Variants in PARL observed in about 807,000 individuals in gnomAD.
PARL encodes the protein presenilin associated rhomboid like.
Under a neutral mutation model 51.6 loss-of-function variants are expected in PARL, and 44 were observed. That is an observed-to-expected ratio of 0.85 (90% CI 0.67 to 1.10). PARL has a LOEUF of 1.10. Ranked by LOEUF, PARL falls within the 50% of genes least tolerant of loss-of-function variation. PARL has a pLI of 0.00. For missense variants in PARL, 441 were observed against 469.5 expected (o/e 0.94, Z 0.56); for synonymous variants, 172 against 164.0 (o/e 1.05, Z -0.37).
intron 2 of PARL, among the ~76,000 whole-genome samples, 185 bp from the exon 3 acceptor site, chr3:183,866,950 G>A (rs941347483): frequency 6.6e-6 from 1 of 150,466 alleles, no homozygotes; most frequent in Non-Finnish European, 1.5e-5. Context: ...TTTCACTCTT[G>A]TCTCCCAGGC....
chr3:183,880,459 T>G (rs1453931417), intron 1 of PARL, among the ~76,000 whole-genome samples: 1 of 152,160 alleles, frequency 6.6e-6, no homozygotes, highest in Non-Finnish European at 1.5e-5. Flanking sequence ...TGGAGTGTAA[T>G]GCCGTGATCT....
chr3:183,838,455 T>C (rs1728913666), intron 7 of PARL, among the ~76,000 whole-genome samples: 1 of 152,224 alleles, frequency 6.6e-6, no homozygotes, highest in Non-Finnish European at 1.5e-5. Context: ...ACCTGGTGAT[T>C]TAATTTCCTT....
chr3:183,864,212 G>A (rs969219266), intron 3 of PARL, among the ~76,000 whole-genome samples: 14 of 152,088 alleles, frequency 9.2e-5, no homozygotes, highest in Admixed American at 4.6e-4. Flanking sequence ...TGTGCCCATG[G>A]GAAAACAAGG....
At chr3:183,851,533 A>G (rs977385816) in intron 4 of PARL, among the ~76,000 whole-genome samples, 6 of 152,330 alleles carry the variant, frequency 3.9e-5, no homozygotes, top group East Asian at 1.9e-4. Flanking sequence ...TAAATATACA[A>G]TAAGACATGA....
intron 1 of PARL, among the ~76,000 whole-genome samples, chr3:183,876,378 G>A (rs993973295): frequency 2.6e-5 from 4 of 151,746 alleles, no homozygotes; most frequent in African/African-American, 9.7e-5. Flanking sequence ...CCAATGTTGC[G>A]ACCAAATGCT....
At chr3:183,833,433 G>T in intron 9 of PARL, 59 bp downstream of exon 9, 1 of 1,004,564 alleles carries the variant, frequency 1.0e-6, no homozygotes, top group South Asian at 1.3e-5. Flanking sequence ...GTGAGGCTGG[G>T]GTAGGAGGAG....
chr3:183,867,102 C>T (rs1047282676), intron 2 of PARL, among the ~76,000 whole-genome samples: 2 of 151,942 alleles, frequency 1.3e-5, no homozygotes, highest in Non-Finnish European at 2.9e-5. Flanking sequence ...TTAGTAGAGA[C>T]GGGGTTTCAT....
intron 1 of PARL, among the ~76,000 whole-genome samples, chr3:183,878,939 G>A (rs1734139208): frequency 6.6e-6 from 1 of 152,124 alleles, no homozygotes; most frequent in Non-Finnish European, 1.5e-5. Context: ...TACAAACTAA[G>A]TTTGCCAAAC....
intron 1 of PARL, among the ~76,000 whole-genome samples, chr3:183,878,228 C>T (rs750458077): frequency 1.3e-5 from 2 of 152,144 alleles, no homozygotes; most frequent in Non-Finnish European, 2.9e-5. Context: ...CTAGCGGGGG[C>T]TTCTACCATG....
At chr3:183,883,512 C>T in intron 1 of PARL, 1 of 710,380 alleles carries the variant, frequency 1.4e-6, no homozygotes, top group Non-Finnish European at 1.7e-6. Context: ...TCAGGTGATC[C>T]ACCTGCCTCA....
At chr3:183,861,288 A>G (rs1478643707) in intron 4 of PARL, 1 of 947,624 alleles carries the variant, frequency 1.1e-6, no homozygotes, top group East Asian at 1.2e-4. Flanking sequence ...TTAAGATTCC[A>G]TTCAACATTC....
At chr3:183,864,641 T>C (rs1732235692) in intron 3 of PARL, among the ~76,000 whole-genome samples, 1 of 151,906 alleles carries the variant, frequency 6.6e-6, no homozygotes, top group East Asian at 1.9e-4. Flanking sequence ...CCGGGCGTGG[T>C]GGCGGGCACC....
At chr3:183,863,417 T>C (rs777045972) in intron 3 of PARL, among the ~76,000 whole-genome samples, 1 of 152,118 alleles carries the variant, frequency 6.6e-6, no homozygotes, top group Non-Finnish European at 1.5e-5. Context: ...TGGGGAACAC[T>C]GAAGCTGGAC....
At chr3:183,855,722 T>A (rs1227180526) in intron 4 of PARL, among the ~76,000 whole-genome samples, 2 of 152,064 alleles carry the variant, frequency 1.3e-5, no homozygotes, top group African/African-American at 4.8e-5. Context: ...TAACAGATCA[T>A]CAGGCATTAG....
chr3:183,875,158 T>C (rs2108702122), intron 1 of PARL, among the ~76,000 whole-genome samples: 2 of 152,288 alleles, frequency 1.3e-5, no homozygotes, highest in South Asian at 4.1e-4. Flanking sequence ...CTCCCATCTG[T>C]AATCCTAGAA....
In PARL at chr3:183,866,752, G is replaced by A. The variant is rs1732528190; in HGVS notation, c.335C>T (p.Ala112Val). 1.9e-6 allele frequency: 3 copies of A among 1,600,450 alleles called. No homozygotes were observed. Among genetic ancestry groups the A allele is most frequent in the Non-Finnish European group, 2.6e-6 (3 of 1,168,046 alleles). The change falls in exon 3 of 10, where the codon GCA (alanine) becomes GTA (valine). Residue 112 changes from alanine to valine, a missense_variant. Physicochemically the swap from Ala to Val is moderately conservative, Grantham distance 64. Transcript: ENST00000317096. ...LFFTVGFTGCAFGSAAIWQYE... is the reference protein window; with the variant it reads ...LFFTVGFTGCVFGSAAIWQYE... ...TTGCCAAATAGCAGCTGATCCAAATGCACAGCCTGTAAACTATATAAAATT... is the reference window on the plus strand; with the variant it reads ...TTGCCAAATAGCAGCTGATCCAAATACACAGCCTGTAAACTATATAAAATT...
chr3:183,869,893 T>C (rs1332839918), intron 1 of PARL, among the ~76,000 whole-genome samples: 2 of 152,084 alleles, frequency 1.3e-5, no homozygotes, highest in Non-Finnish European at 2.9e-5. Flanking sequence ...ATATTCAAAA[T>C]AGAATTAACT....
chr3:183,876,610 T>TAAAAAAAAGAAAAAAAAAAAA (rs1733846046), intron 1 of PARL, among the ~76,000 whole-genome samples: 1 of 91,828 alleles, frequency 1.1e-5, no homozygotes, highest in African/African-American at 4.7e-5. Flanking sequence ...ATACATTTTG[T>TAAAAAAAAGAAAAAAAAAAAA]AAAAAAAAAA....
intron 4 of PARL, among the ~76,000 whole-genome samples, chr3:183,848,273 T>G (rs1730182181): frequency 6.6e-6 from 1 of 152,242 alleles, no homozygotes; most frequent in Non-Finnish European, 1.5e-5. Context: ...AGACGGAGTC[T>G]CGCTGTCTCC....
Sources: allele counts gnomAD v4.1 joint callset (sites outside exome capture counted in the v4.1 genomes callset), GRCh38; gene constraint gnomAD v4.1.1; transcripts MANE v1.5; gene names NCBI Gene and HGNC (gene_info 2026-07-23, HGNC 2026-07-21).